Variants in ROBO2 observed in about 807,000 individuals in gnomAD.
ROBO2 encodes the protein roundabout guidance receptor 2, also known as roundabout homolog 2.
ROBO2 carries 53 observed loss-of-function variants against 160.8 expected under a neutral mutation model. The ratio of observed to expected loss-of-function variants is 0.33; its 90% CI spans 0.26 to 0.41. The LOEUF (loss-of-function observed/expected upper bound fraction) is 0.41, where lower values mean the gene tolerates loss of function less well. Ranked by LOEUF, ROBO2 falls within the 10% of genes least tolerant of loss-of-function variation. ROBO2 has a pLI of 1.00. For missense variants in ROBO2, 1,577 were observed against 1,722.4 expected (o/e 0.92, Z 1.49); for synonymous variants, 664 against 611.7 (o/e 1.09, Z -1.26).
In ROBO2 at chr3:76,719,434, C is replaced by T. The variant is rs116755828; in HGVS notation, c.110-378580C>T. ...CACTGCAGCCTTCAGTTCCAGGGCT[C>T]AAGCGGTCCTCCTGCCTCATCCTCC... On this transcript the variant is annotated intron_variant, in intron 2 of 26. Coordinates refer to the ROBO2 transcript ENST00000487694. 9.4e-3 allele frequency among the ~76,000 whole-genome samples: 1,432 copies of T among 152,232 alleles called. 29 individuals carry two copies. Among genetic ancestry groups the T allele is most frequent in the African/African-American group, 0.033 (1,355 of 41,520 alleles).
chr3:77,562,796 T>C, intron 10 of ROBO2, 64 bp downstream of exon 11: 1 of 1,142,812 alleles, frequency 8.8e-7, no homozygotes, highest in Non-Finnish European at 1.3e-6. Flanking sequence ...TATCAAATAA[T>C]AAGTTAAGGG....
chr3:76,161,670 T>A (rs2072644555), intron 2 of ROBO2, among the ~76,000 whole-genome samples: 1 of 152,158 alleles, frequency 6.6e-6, no homozygotes, highest in African/African-American at 2.4e-5. Context: ...TCAGGCATAT[T>A]AGGCATTTTT....
intron 2 of ROBO2, among the ~76,000 whole-genome samples, chr3:76,535,854 C>A (rs1370720910): frequency 6.6e-6 from 1 of 152,096 alleles, no homozygotes; most frequent in African/African-American, 2.4e-5. Flanking sequence ...TAAGAGTTAC[C>A]TGAAGCTCAG....
At chr3:76,203,468 GT>G (rs1316065001) in intron 2 of ROBO2, among the ~76,000 whole-genome samples, 4 of 150,320 alleles carry the variant, frequency 2.7e-5, no homozygotes, top group Non-Finnish European at 5.9e-5. Context: ...CAGGCTGTCG[GT>G]TTCCCTGGTC....
At position 77,415,044 on chromosome 3, in the gene ROBO2, A is replaced by G. The variant is rs552627559; in HGVS notation, c.389-62370A>G. ...ATTTTGAGGACTGCTCACTCCACCC[A>G]TGATCCCACAACAGGAAAGAATATT... On this transcript the variant is annotated intron_variant, in intron 2 of 25. Transcript: ENST00000461745. Among the ~76,000 whole-genome samples, 3 of 152,344 alleles carry G rather than the reference A, an allele frequency of 2.0e-5. No individual in the cohort carries two copies. The South Asian group carries it at 6.2e-4, about 32-fold the overall frequency.
intron 2 of ROBO2, among the ~76,000 whole-genome samples, chr3:76,644,218 T>C (rs2090849684): frequency 6.6e-6 from 1 of 152,136 alleles, no homozygotes; most frequent in Admixed American, 6.5e-5. Context: ...CCTTAGCTTC[T>C]GCAGGAAAAC....
At chr3:76,128,115 T>C (rs2071072980) in intron 2 of ROBO2, among the ~76,000 whole-genome samples, 1 of 151,956 alleles carries the variant, frequency 6.6e-6, no homozygotes, top group Non-Finnish European at 1.5e-5. Flanking sequence ...AATCTGGTCT[T>C]GAACTCCTGA....
At chr3:76,298,288 G>A (rs1709185129) in intron 2 of ROBO2, among the ~76,000 whole-genome samples, 1 of 152,136 alleles carries the variant, frequency 6.6e-6, no homozygotes, top group Non-Finnish European at 1.5e-5. Flanking sequence ...AAAGGAAAAT[G>A]GAGAGGGATA....
chr3:76,748,567 AAT>A (rs1316568235), intron 2 of ROBO2, among the ~76,000 whole-genome samples: 1 of 151,636 alleles, frequency 6.6e-6, no homozygotes, highest in Non-Finnish European at 1.5e-5. Context: ...AAAACAACAT[AAT>A]ATATTTTGAT....
intron 2 of ROBO2, among the ~76,000 whole-genome samples, chr3:77,141,087 A>T (rs1052723747): frequency 1.3e-5 from 2 of 152,214 alleles, no homozygotes; most frequent in African/African-American, 4.8e-5. Context: ...ATAATTTAGG[A>T]TTACAAAGAA....
intron 2 of ROBO2, among the ~76,000 whole-genome samples, chr3:76,324,251 AG>A (rs1211744545): frequency 6.6e-6 from 1 of 152,230 alleles, no homozygotes; most frequent in Non-Finnish European, 1.5e-5. Flanking sequence ...TCACTTTTCT[AG>A]CTTCAAAAAC....
intron 2 of ROBO2, among the ~76,000 whole-genome samples, chr3:76,452,184 A>G (rs1282919835): frequency 2.0e-5 from 3 of 151,360 alleles, no homozygotes; most frequent in African/African-American, 7.3e-5. Context: ...TTTTTATTTT[A>G]TTATTATTAT....
At chr3:77,297,087 A>G (rs1285725557) in intron 2 of ROBO2, among the ~76,000 whole-genome samples, 1 of 152,134 alleles carries the variant, frequency 6.6e-6, no homozygotes, top group East Asian at 1.9e-4. Context: ...ATGTATTTTA[A>G]AAATCTACGA....
At chr3:76,971,912 C>T (rs1252887539) in intron 2 of ROBO2, among the ~76,000 whole-genome samples, 2 of 152,142 alleles carry the variant, frequency 1.3e-5, no homozygotes, top group Non-Finnish European at 2.9e-5. Context: ...CAGGATCTAA[C>T]CTGGCAATTA....
chr3:76,736,460 G>C (rs2093715475), intron 2 of ROBO2, among the ~76,000 whole-genome samples: 1 of 152,044 alleles, frequency 6.6e-6, no homozygotes, highest in Non-Finnish European at 1.5e-5. Flanking sequence ...TTTGACATTT[G>C]AAATGACTTC....
chr3:75,956,532 C>T (rs12488213), intron 2 of ROBO2, among the ~76,000 whole-genome samples: 64,106 of 151,366 alleles, frequency 0.42, 14,828 homozygotes, highest in South Asian at 0.65. Context: ...ATGTAAAAAT[C>T]CATTGCCATG....
chr3:75,941,210 C>T (rs1482383396), intron 2 of ROBO2, among the ~76,000 whole-genome samples: 1 of 152,176 alleles, frequency 6.6e-6, no homozygotes, highest in African/African-American at 2.4e-5. Context: ...CTAACCTAGG[C>T]CTTCCAAAGT....
chr3:76,033,643 C>G lies in ROBO2; in HGVS notation c.109+96041C>G, dbSNP rs534245042. On this transcript the variant is annotated intron_variant, in intron 2 of 26. Coordinates refer to the ROBO2 transcript ENST00000487694. ...AAGCTTAATGACTTCAAATCACAGC[C>G]ATTTTATTGGGTACGATGTCATGAG... Among the ~76,000 whole-genome samples, 6 of 152,266 alleles carry G rather than the reference C, an allele frequency of 3.9e-5. No homozygotes were observed. In the East Asian group the frequency reaches 1.2e-3, roughly 29 times the overall value.
intron 2 of ROBO2, among the ~76,000 whole-genome samples, chr3:76,647,617 T>C (rs935324550): frequency 2.0e-5 from 3 of 152,118 alleles, no homozygotes; most frequent in Admixed American, 6.6e-5. Flanking sequence ...GCAAAAATGG[T>C]GAAGCTGTGT....
Sources: allele counts gnomAD v4.1 joint callset (sites outside exome capture counted in the v4.1 genomes callset), GRCh38; gene constraint gnomAD v4.1.1; transcripts MANE v1.5; gene names NCBI Gene and HGNC (gene_info 2026-07-23, HGNC 2026-07-21).